Variants in OSBP observed in about 807,000 individuals in gnomAD.
The protein encoded by OSBP is oxysterol binding protein, also known as oxysterol-binding protein 1.
Under a neutral mutation model 96.6 loss-of-function variants are expected in OSBP, and 32 were observed. The ratio of observed to expected loss-of-function variants is 0.33; its 90% CI spans 0.25 to 0.45. The LOEUF (loss-of-function observed/expected upper bound fraction) is 0.45, where lower values mean the gene tolerates loss of function less well. OSBP is among the 20% of genes least tolerant of loss of function. OSBP has a pLI of 1.00. For missense variants in OSBP, 653 were observed against 1,029.7 expected, an observed-to-expected ratio of 0.63 and a Z score of 5.01; for synonymous variants, 369 against 389.6, an observed-to-expected ratio of 0.95 and a Z score of 0.62.
At position 59,576,349 on chromosome 11, in the gene OSBP, C is replaced by T. The variant is rs1166228798; in HGVS notation, c.*228G>A. On this transcript the variant is annotated 3_prime_UTR_variant, in exon 14 of 14. Coordinates refer to ENST00000263847, the MANE Select transcript of OSBP (RefSeq NM_002556.3). Reference sequence around the variant, plus strand: ...CTAACCTTCGGCCACTAAACCTCTCCCTTACAGACATAGTATCTCCTATGT... The same window carrying T: ...CTAACCTTCGGCCACTAAACCTCTCTCTTACAGACATAGTATCTCCTATGT... 1 of 520,678 alleles carries T rather than the reference C, an allele frequency of 1.9e-6. No individual in the cohort carries two copies. The allele number at this position is 520,678 out of a possible 1,614,324, so 32.3% of individuals were successfully genotyped here. A position where few individuals can be genotyped will look rare whatever the true frequency, so the allele number is the denominator to read the frequency against.
intron 12 of OSBP, 139 bp downstream of exon 12, chr11:59,578,010 G>T: frequency 1.3e-6 from 1 of 751,484 alleles, no homozygotes; most frequent in Non-Finnish European, 2.2e-6. Flanking sequence ...ACAACCTTCT[G>T]TTAATCTCTC....
Position 59,615,581 on chromosome 11 carries a change from T to C in OSBP, c.84A>G (p.Pro28=), listed in dbSNP as rs532959688. 1,683 of 1,373,794 alleles carry C rather than the reference T, an allele frequency of 1.2e-3. 29 individuals are homozygous for C. The African/African-American group carries it at 0.024, about 19-fold the overall frequency. The allele number at this position is 1,373,794 out of a possible 1,614,324, so 85.1% of individuals were successfully genotyped here. Residue 28 remains proline (P), a synonymous_variant, in exon 1 of 14, where the codon CCA becomes CCG. Transcript: ENST00000263847. Reference sequence around the variant, plus strand: ...CGCGGCCGCCGCCTCCTCCCACCACTGGGGGACCGGCGCCGCCGCCGCCAA... The same window carrying C: ...CGCGGCCGCCGCCTCCTCCCACCACCGGGGGACCGGCGCCGCCGCCGCCAA... ...AALGGGGAGP[P]VVGGGGGRGD...
chr11:59,592,609 C>T (rs555083127), intron 9 of OSBP, among the ~76,000 whole-genome samples: 1 of 152,272 alleles, frequency 6.6e-6, no homozygotes, highest in African/African-American at 2.4e-5. Context: ...CTCTTCAGCA[C>T]ACACTTGGCC....
chr11:59,582,442 C>A (rs771265790), intron 9 of OSBP, among the ~76,000 whole-genome samples: 3 of 152,148 alleles, frequency 2.0e-5, no homozygotes, highest in Non-Finnish European at 4.4e-5. Flanking sequence ...GGTGATGTGC[C>A]CTGATCCCAT....
At chr11:59,588,097 T>C (rs563796381) in intron 9 of OSBP, among the ~76,000 whole-genome samples, 2 of 152,360 alleles carry the variant, frequency 1.3e-5, no homozygotes, top group Admixed American at 6.5e-5. Context: ...CGGATGAACC[T>C]TGATGACATT....
At chr11:59,609,657 GATGACC>G (rs996361636) in intron 2 of OSBP, among the ~76,000 whole-genome samples, 1 of 152,176 alleles carries the variant, frequency 6.6e-6, no homozygotes, top group African/African-American at 2.4e-5. Flanking sequence ...AAAGTCAGCA[GATGACC>G]ATCTTGGTCA....
intron 1 of OSBP, among the ~76,000 whole-genome samples, chr11:59,614,436 T>C (rs867802708): frequency 6.6e-6 from 1 of 152,184 alleles, no homozygotes; most frequent in Non-Finnish European, 1.5e-5. Flanking sequence ...AAATCACCTA[T>C]CTTAACTCCT....
At chr11:59,578,362 T>C (rs367663282) in intron 11 of OSBP, 32 bp from the exon 12 acceptor site, 26 of 1,600,166 alleles carry the variant, frequency 1.6e-5, no homozygotes, top group Admixed American at 6.7e-5. Flanking sequence ...CTTGGCTATA[T>C]AGAATTCACT....
intron 3 of OSBP, among the ~76,000 whole-genome samples, chr11:59,602,377 T>C (rs1453118653): frequency 6.6e-6 from 1 of 152,186 alleles, no homozygotes; most frequent in South Asian, 2.1e-4. Flanking sequence ...GAGCCTTCAG[T>C]GTGCAGGAAG....
intron 7 of OSBP, among the ~76,000 whole-genome samples, chr11:59,595,956 T>C (rs1313780415): frequency 7.1e-6 from 1 of 141,362 alleles, no homozygotes; most frequent in Non-Finnish European, 1.5e-5. Flanking sequence ...AATAAATAAA[T>C]AAATAAATAA....
intron 7 of OSBP, among the ~76,000 whole-genome samples, chr11:59,597,952 C>T (rs1392020395): frequency 1.3e-5 from 2 of 152,106 alleles, no homozygotes; most frequent in African/African-American, 4.8e-5. Flanking sequence ...ACAATCCACC[C>T]ATCTTGGTCT....
intron 1 of OSBP, among the ~76,000 whole-genome samples, chr11:59,610,913 C>T (rs1860836254): frequency 6.6e-6 from 1 of 151,140 alleles, no homozygotes; most frequent in African/African-American, 2.4e-5. Flanking sequence ...GTGGGCAGAT[C>T]ACCTGAGGTC....
chr11:59,605,606 G>C (rs1031004542), intron 3 of OSBP, among the ~76,000 whole-genome samples: 2 of 151,900 alleles, frequency 1.3e-5, no homozygotes, highest in South Asian at 4.1e-4. Flanking sequence ...GGCTGGTCTC[G>C]AACTCCTGAC....
intron 12 of OSBP, 42 bp from the exon 13 acceptor site, chr11:59,577,067 C>A: frequency 6.5e-7 from 1 of 1,531,958 alleles, no homozygotes. Context: ...AATCCCAGAG[C>A]CCAGACCCTA....
chr11:59,609,305 A>C (rs888718169), intron 2 of OSBP, among the ~76,000 whole-genome samples: 29 of 152,186 alleles, frequency 1.9e-4, no homozygotes, highest in African/African-American at 7.2e-5. Flanking sequence ...GAGAGCTCAG[A>C]AACTTTATGA....
intron 9 of OSBP, among the ~76,000 whole-genome samples, chr11:59,593,049 T>A (rs1296663679): frequency 2.0e-5 from 3 of 152,144 alleles, no homozygotes; most frequent in African/African-American, 7.2e-5. Context: ...CTGCCTGCCC[T>A]GGCCTCCCAA....
chr11:59,613,019 A>G (rs542956416), intron 1 of OSBP, among the ~76,000 whole-genome samples: 1 of 152,348 alleles, frequency 6.6e-6, no homozygotes, highest in South Asian at 2.1e-4. Flanking sequence ...GAAACAGCAT[A>G]TATAAGAAAC....
At chr11:59,584,622 G>A (rs1313485939) in intron 9 of OSBP, among the ~76,000 whole-genome samples, 1 of 152,150 alleles carries the variant, frequency 6.6e-6, no homozygotes, top group African/African-American at 2.4e-5. Context: ...CAACGAGCTA[G>A]AAATACAAGG....
At chr11:59,587,599 T>C (rs934147324) in intron 9 of OSBP, among the ~76,000 whole-genome samples, 4 of 151,974 alleles carry the variant, frequency 2.6e-5, no homozygotes, top group African/African-American at 9.7e-5. Context: ...TCAACAACAC[T>C]AATTATTAGA....
Sources: gnomAD v4.1 joint callset for allele counts (sites outside exome capture counted in the v4.1 genomes callset) on GRCh38, gnomAD v4.1.1 for gene constraint, MANE v1.5 for transcripts, NCBI Gene and HGNC (gene_info 2026-07-23, HGNC 2026-07-21) for gene names.